The following NFATC2 variants were observed in gnomAD, a reference collection of about 807,000 sequenced individuals.
The protein encoded by NFATC2 is nuclear factor of activated T-cells, cytoplasmic 2.
NFATC2 carries 22 observed loss-of-function variants against 87.3 expected under a neutral mutation model. The observed-to-expected ratio is 0.25, with a 90% confidence interval of 0.18 to 0.36. NFATC2 has a LOEUF of 0.36. Ranked by LOEUF, NFATC2 falls within the 10% of genes least tolerant of loss-of-function variation. The pLI is 1.00. For missense variants in NFATC2, 1,149 were observed against 1,259.1 expected, an observed-to-expected ratio of 0.91 and a Z score of 1.32; for synonymous variants, 565 against 542.2, an observed-to-expected ratio of 1.04 and a Z score of -0.58.
intron 10 of NFATC2, among the ~76,000 whole-genome samples, chr20:51,395,824 G>A (rs534767801): frequency 5.3e-5 from 8 of 151,896 alleles, no homozygotes; most frequent in South Asian, 2.1e-4. Flanking sequence ...ACAAAATGAT[G>A]ATATACCAGG....
rs566584436 is a variant in NFATC2, at chr20:51,391,549, C to G, written c.*45-98G>C. On this transcript the variant is annotated intron_variant, in intron 10 of 10. Transcript: ENST00000371564. Reference sequence around the variant, plus strand: ...TTCACTTTCTAGAACCTCTATTGGGCTATTGATTTTTGAGACAAGGTCTTG... The same window carrying G: ...TTCACTTTCTAGAACCTCTATTGGGGTATTGATTTTTGAGACAAGGTCTTG... 3.3e-5 allele frequency: 43 copies of G among 1,298,628 alleles called. No individual in the cohort carries two copies. In the African/African-American group the frequency reaches 5.3e-4, roughly 16 times the overall value. The allele number at this position is 1,298,628 out of a possible 1,614,324, so 80.4% of individuals were successfully genotyped here.
Position 51,411,516 on chromosome 20 carries a change from CTTTTTTT to C in NFATC2, c.2723-12793_2723-12787del, listed in dbSNP as rs67935951. Among the ~76,000 whole-genome samples, 25 of 87,248 alleles carry C rather than the reference CTTTTTTT, an allele frequency of 2.9e-4. No individual in the cohort carries two copies. The East Asian group carries it at 3.6e-3, about 12-fold the overall frequency. The allele number at this position is 87,248 out of a possible 152,430, so 57.2% of individuals were successfully genotyped here. A position where few individuals can be genotyped will look rare whatever the true frequency, so the allele number is the denominator to read the frequency against. ...CAAGGTCCTGAAGCAATGCAATTGT[CTTTTTTT>C]TTTTTTTTTTTTTTTTTTTTTTGAG... On this transcript the variant is annotated intron_variant, in intron 9 of 10. Coordinates refer to ENST00000371564, the MANE Select transcript of NFATC2 (RefSeq NM_012340.5).
chr20:51,556,521 A>G (rs370063293), intron 1 of NFATC2, among the ~76,000 whole-genome samples: 3 of 152,278 alleles, frequency 2.0e-5, no homozygotes, highest in African/African-American at 7.2e-5. Flanking sequence ...CTGAATCCCC[A>G]GCATCTTGGA....
At chr20:51,393,337 G>C (rs967499484) in intron 10 of NFATC2, among the ~76,000 whole-genome samples, 2 of 152,072 alleles carry the variant, frequency 1.3e-5, no homozygotes, top group African/African-American at 4.8e-5. Flanking sequence ...TTGCTGAGGT[G>C]CTTGGATGAG....
intron 1 of NFATC2, among the ~76,000 whole-genome samples, chr20:51,559,206 T>G (rs548478337): frequency 2.0e-5 from 3 of 152,350 alleles, no homozygotes; most frequent in South Asian, 4.1e-4. Context: ...CTTCTTCTAC[T>G]AAGAGTGGAA....
intron 1 of NFATC2, among the ~76,000 whole-genome samples, chr20:51,541,916 T>C (rs2076823700): frequency 6.6e-6 from 1 of 152,148 alleles, no homozygotes; most frequent in African/African-American, 2.4e-5. Context: ...CTACCCTTGA[T>C]AACTGGGTTC....
intron 2 of NFATC2, among the ~76,000 whole-genome samples, chr20:51,518,347 C>G (rs1459252027): frequency 1.3e-5 from 2 of 152,186 alleles, no homozygotes; most frequent in East Asian, 3.8e-4. Context: ...TGGTTAAGCA[C>G]TTGCAATAAA....
At chr20:51,403,883 G>A (rs1014497647) in intron 9 of NFATC2, among the ~76,000 whole-genome samples, 3 of 152,178 alleles carry the variant, frequency 2.0e-5, no homozygotes, top group Admixed American at 6.5e-5. Flanking sequence ...TGTGGCCCGA[G>A]CTGACTGACA....
chr20:51,464,540 T>A (rs1292862908), intron 5 of NFATC2, among the ~76,000 whole-genome samples: 1 of 152,254 alleles, frequency 6.6e-6, no homozygotes, highest in African/African-American at 2.4e-5. Flanking sequence ...ATAGGGCTTC[T>A]TGGTCACTTG....
At chr20:51,472,728 C>T (rs781191873) in intron 5 of NFATC2, among the ~76,000 whole-genome samples, 30 of 149,824 alleles carry the variant, frequency 2.0e-4, no homozygotes, top group South Asian at 4.2e-4. Context: ...CTCCACCTCC[C>T]GGATTCAAGT....
chr20:51,534,187 C>G (rs1212529837), intron 1 of NFATC2, among the ~76,000 whole-genome samples: 4 of 151,788 alleles, frequency 2.6e-5, no homozygotes, highest in Non-Finnish European at 4.4e-5. Context: ...CAGGGAAATT[C>G]CCAAGACCAC....
intron 9 of NFATC2, among the ~76,000 whole-genome samples, chr20:51,417,804 G>C (rs1029607865): frequency 1.3e-5 from 2 of 150,426 alleles, no homozygotes; most frequent in Non-Finnish European, 2.9e-5. Flanking sequence ...AAGAAGGAAA[G>C]AACACCAGTT....
At chr20:51,447,566 C>CA in intron 6 of NFATC2, among the ~76,000 whole-genome samples, 1 of 152,232 alleles carries the variant, frequency 6.6e-6, no homozygotes. Flanking sequence ...AACCCCTTTC[C>CA]CGCTGCCACA....
intron 3 of NFATC2, among the ~76,000 whole-genome samples, chr20:51,506,757 G>A (rs1161460176): frequency 5.9e-5 from 9 of 151,978 alleles, no homozygotes; most frequent in Non-Finnish European, 7.4e-5. Flanking sequence ...TCGGGGGCCT[G>A]CGAAGTGGTC....
rs916362710 is a variant in NFATC2 at position 51,406,578 on chromosome 20, G to A, written c.2723-7848C>T. Among the ~76,000 whole-genome samples the A allele has an allele frequency of 3.9e-5, 6 of 152,326 alleles. No individual in the cohort carries two copies. In the East Asian group the frequency reaches 5.8e-4, roughly 15 times the overall value. ...GCTGCGCAGAGGAATGACTGGAGGC[G>A]CCCCGGCTTGCTTCCATTGGCAATG... is the stretch of plus-strand genomic sequence containing the variant. On this transcript the variant is annotated intron_variant, in intron 9 of 10. Coordinates refer to ENST00000371564, the MANE Select transcript of NFATC2 (RefSeq NM_012340.5).
intron 3 of NFATC2, among the ~76,000 whole-genome samples, chr20:51,493,877 A>C (rs73913450): frequency 0.015 from 2,241 of 152,242 alleles, 58 homozygotes; most frequent in African/African-American, 0.051. Context: ...CCTGCTCAGA[A>C]CCAACCAAGT....
chr20:51,508,669 A>C (rs182473163), intron 3 of NFATC2, among the ~76,000 whole-genome samples: 26 of 152,092 alleles, frequency 1.7e-4, no homozygotes, highest in Admixed American at 4.6e-4. Context: ...TTCCCTCTAA[A>C]AATAGCAGGA....
intron 3 of NFATC2, among the ~76,000 whole-genome samples, chr20:51,487,432 G>A (rs748270326): frequency 6.6e-6 from 1 of 152,166 alleles, no homozygotes; most frequent in Non-Finnish European, 1.5e-5. Context: ...AACCACCATG[G>A]CACATGTTTA....
At chr20:51,494,214 G>A (rs1027398474) in intron 3 of NFATC2, among the ~76,000 whole-genome samples, 5 of 151,874 alleles carry the variant, frequency 3.3e-5, no homozygotes, top group South Asian at 2.1e-4. Flanking sequence ...CCTTCTCCAC[G>A]CGGAGTGGGC....
Sources: gnomAD v4.1 joint callset for allele counts (sites outside exome capture counted in the v4.1 genomes callset) on GRCh38, gnomAD v4.1.1 for gene constraint, MANE v1.5 for transcripts, NCBI Gene and HGNC (gene_info 2026-07-23, HGNC 2026-07-21) for gene names.